The following MYO5A variants were observed in gnomAD, a reference collection of about 807,000 sequenced individuals.
MYO5A encodes unconventional myosin-Va.
A neutral mutation model predicts 249.7 loss-of-function variants in MYO5A; 98 were observed. The ratio of observed to expected loss-of-function variants is 0.39; its 90% CI spans 0.33 to 0.46. The LOEUF (loss-of-function observed/expected upper bound fraction) is 0.46. Ranked by LOEUF, MYO5A falls within the 20% of genes least tolerant of loss-of-function variation. The probability of loss-of-function intolerance (pLI) is 0.98; values close to 1 mark genes in which losing one functional copy is unlikely to be tolerated. For synonymous variants in MYO5A, 778 were observed against 810.6 expected, an observed-to-expected ratio of 0.96 and a Z score of 0.68; for missense variants, 1,696 against 2,308.8, an observed-to-expected ratio of 0.73 and a Z score of 5.44.
intron 1 of MYO5A, among the ~76,000 whole-genome samples, chr15:52,516,791 T>G (rs543417796): frequency 6.6e-6 from 1 of 152,250 alleles, no homozygotes; most frequent in Admixed American, 6.5e-5. Context: ...CACTGTTAAT[T>G]TGTTCTAATT....
intron 6 of MYO5A, among the ~76,000 whole-genome samples, chr15:52,408,624 T>C (rs943088209): frequency 2.0e-5 from 3 of 152,344 alleles, no homozygotes; most frequent in South Asian, 2.1e-4. Context: ...TTTTAGTTTA[T>C]ACATTTTAAA....
At chr15:52,366,423 A>G (rs1437182247) in intron 23 of MYO5A, among the ~76,000 whole-genome samples, 2 of 151,734 alleles carry the variant, frequency 1.3e-5, no homozygotes, top group Admixed American at 1.3e-4. Context: ...TTCCATTTCC[A>G]CCACTAATTA....
chr15:52,475,785 G>A (rs1366963841), intron 1 of MYO5A, among the ~76,000 whole-genome samples: 2 of 152,122 alleles, frequency 1.3e-5, no homozygotes, highest in African/African-American at 2.4e-5. Context: ...TTTTACATTT[G>A]CTGAGGAGTG....
chr15:52,375,241 A>T (rs1424186066), intron 20 of MYO5A, 63 bp downstream of exon 20: 12 of 1,537,530 alleles, frequency 7.8e-6, no homozygotes, highest in Non-Finnish European at 8.1e-6. Context: ...GGTACTCTGT[A>T]TAGATGTGAA....
intron 1 of MYO5A, among the ~76,000 whole-genome samples, chr15:52,498,043 C>T (rs2646031): frequency 6.6e-6 from 1 of 152,070 alleles, no homozygotes; most frequent in South Asian, 2.1e-4. Flanking sequence ...CAAGAAGCTA[C>T]AAAAAGAATA....
intron 1 of MYO5A, among the ~76,000 whole-genome samples, chr15:52,448,951 G>GT (rs2075954786): frequency 3.1e-5 from 2 of 64,044 alleles, no homozygotes; most frequent in African/African-American, 6.4e-5. Context: ...TTCTTTTCTT[G>GT]TCTTTCTTTT....
At position 52,360,014 on chromosome 15, in the gene MYO5A, A is replaced by C. The variant is rs199984961; in HGVS notation, c.3377T>G (p.Phe1126Cys). 1,485 of 1,613,756 alleles carry C rather than the reference A, an allele frequency of 9.2e-4. 2 individuals are homozygous for C. Among genetic ancestry groups the C allele is most frequent in the Non-Finnish European group, 1.1e-3 (1,354 of 1,179,788 alleles). ...TTCCATTTCTGCAATTTCAGAGCTA[A>C]AGATATATTCAGACTCGTTGCTGCT... ...THSSNESEYI[F>C]SSEIAEMEDI... Residue 1126 changes from phenylalanine to cysteine, a missense_variant, in exon 25 of 42, where the codon TTT becomes TGT. Around this residue, in one of 5 missense-constraint regions of MYO5A, gnomAD observed 412 missense variants for 453.3 expected, o/e 0.91. Transcript: ENST00000399233.
Position 52,416,137 on chromosome 15 carries a change from T to C in MYO5A, c.612+8A>G. Reference sequence around the variant, plus strand: ...TATAGGAAGAAAGCCGAAGACTCGCTGTCTTACCTCCATGATGGGGTTGGA... The same window carrying C: ...TATAGGAAGAAAGCCGAAGACTCGCCGTCTTACCTCCATGATGGGGTTGGA... On this transcript the variant is annotated splice_region_variant and intron_variant, in intron 5 of 41. Transcript: ENST00000399233. The C allele has an allele frequency of 6.2e-7, 1 of 1,613,942 alleles. No individual in the cohort carries two copies. The highest frequency in any genetic ancestry group is 1.1e-5 in the South Asian group (1 of 91,080).
intron 1 of MYO5A, among the ~76,000 whole-genome samples, chr15:52,478,894 C>T (rs1404305465): frequency 1.3e-5 from 2 of 152,136 alleles, no homozygotes; most frequent in African/African-American, 2.4e-5. Flanking sequence ...ACTATGTGTA[C>T]TGCAGTTAAT....
At chr15:52,425,442 C>A (rs769892451) in intron 4 of MYO5A, among the ~76,000 whole-genome samples, 1 of 152,190 alleles carries the variant, frequency 6.6e-6, no homozygotes, top group Admixed American at 6.5e-5. Flanking sequence ...TCACTGCAAC[C>A]TCTGTCTCCC....
chr15:52,466,302 G>C (rs973458100), intron 1 of MYO5A, among the ~76,000 whole-genome samples: 4 of 152,172 alleles, frequency 2.6e-5, no homozygotes, highest in African/African-American at 9.7e-5. Flanking sequence ...GGCTCCCACA[G>C]CCAGAACTGA....
At chr15:52,528,629 G>C in intron 1 of MYO5A, 151 bp downstream of exon 1, 1 of 899,150 alleles carries the variant, frequency 1.1e-6, no homozygotes, top group Non-Finnish European at 1.5e-6. Context: ...GCGGGCGACC[G>C]GCTGGTAGGG....
chr15:52,396,456 T>C, intron 10 of MYO5A, 59 bp from the exon 11 acceptor site: 1 of 950,024 alleles, frequency 1.1e-6, no homozygotes, highest in South Asian at 1.4e-5. Context: ...TTTTTAAAAA[T>C]ATTCAAAATA....
chr15:52,457,011 G>A (rs890238274), intron 1 of MYO5A, among the ~76,000 whole-genome samples: 2 of 152,132 alleles, frequency 1.3e-5, no homozygotes, highest in Non-Finnish European at 2.9e-5. Flanking sequence ...GATTAACAGA[G>A]TAAAGAGATA....
At chr15:52,388,550 T>G (rs1449454024) in intron 13 of MYO5A, among the ~76,000 whole-genome samples, 1 of 152,178 alleles carries the variant, frequency 6.6e-6, no homozygotes, top group African/African-American at 2.4e-5. Context: ...AGGGCAGACT[T>G]AGAAAGTCCT....
chr15:52,476,889 A>C (rs916421983), intron 1 of MYO5A, among the ~76,000 whole-genome samples: 18 of 152,100 alleles, frequency 1.2e-4, no homozygotes, highest in African/African-American at 3.4e-4. Flanking sequence ...GTTCTTCTCA[A>C]GGAGTATCTT....
Position 52,309,273 on chromosome 15 carries a change from C to T in MYO5A, c.*4423G>A, listed in dbSNP as rs1297828971. Reference sequence around the variant, plus strand: ...TGCATCCTCCCAGAGAGCACTGATTCATGACAGAAGTCAAGCTGAGTTATA... The same window carrying T: ...TGCATCCTCCCAGAGAGCACTGATTTATGACAGAAGTCAAGCTGAGTTATA... On this transcript the variant is annotated 3_prime_UTR_variant, in exon 42 of 42. Coordinates refer to ENST00000399233, the MANE Select transcript of MYO5A (RefSeq NM_001382347.1). 1 of 152,224 alleles carries T rather than the reference C, an allele frequency of 6.6e-6. No individual in the cohort carries two copies. The highest frequency in any genetic ancestry group is 1.5e-5 in the Non-Finnish European group (1 of 68,042). 9.4% of individuals were successfully genotyped at this position (152,224 alleles called of 1,614,324 possible).
At chr15:52,317,244 G>A (rs1351878504) in intron 39 of MYO5A, 22 bp from the exon 40 acceptor site, 14 of 1,611,804 alleles carry the variant, frequency 8.7e-6, no homozygotes, top group Non-Finnish European at 1.2e-5. Context: ...AAGAGATACA[G>A]AGAATGCAAA....
intron 1 of MYO5A, among the ~76,000 whole-genome samples, chr15:52,447,987 T>C (rs1724590): frequency 6.6e-6 from 1 of 152,128 alleles, no homozygotes; most frequent in Non-Finnish European, 1.5e-5. Flanking sequence ...AGTAGGGCAA[T>C]GTAGGAGGGA....
Sources: allele counts gnomAD v4.1 joint callset (sites outside exome capture counted in the v4.1 genomes callset), GRCh38; gene constraint gnomAD v4.1.1; regional missense constraint gnomAD v4.1.1; transcripts MANE v1.5; gene names NCBI Gene and HGNC (gene_info 2026-07-23, HGNC 2026-07-21).